Variants in GOLGA5 observed in about 807,000 individuals in gnomAD.
The protein encoded by GOLGA5 is golgin subfamily A member 5.
Under a neutral mutation model 93.5 loss-of-function variants are expected in GOLGA5, and 50 were observed. That is an observed-to-expected ratio of 0.53 (90% CI 0.43 to 0.68). GOLGA5 has a LOEUF of 0.68. Among genes scored for constraint, GOLGA5 ranks in the 30% least tolerant of loss-of-function variants. The probability of loss-of-function intolerance (pLI) is 0.00; values close to 1 mark genes in which losing one functional copy is unlikely to be tolerated. For missense variants in GOLGA5, 760 were observed against 856.4 expected, an observed-to-expected ratio of 0.89 and a Z score of 1.40; for synonymous variants, 312 against 304.5, an observed-to-expected ratio of 1.02 and a Z score of -0.26.
chr14:92,807,366 T>G (rs1885011666), intron 3 of GOLGA5, among the ~76,000 whole-genome samples: 1 of 152,108 alleles, frequency 6.6e-6, no homozygotes, highest in Non-Finnish European at 1.5e-5. Context: ...TTAGAAATAT[T>G]TACATTTAAA....
intron 2 of GOLGA5, among the ~76,000 whole-genome samples, chr14:92,798,510 G>A (rs1171775546): frequency 1.3e-5 from 2 of 152,180 alleles, no homozygotes; most frequent in East Asian, 3.8e-4. Flanking sequence ...TAGAACTCTT[G>A]TTTTCAATTG....
At chr14:92,804,659 T>C (rs1007107776) in intron 2 of GOLGA5, among the ~76,000 whole-genome samples, 14 of 130,012 alleles carry the variant, frequency 1.1e-4, no homozygotes, top group Admixed American at 2.2e-4. Flanking sequence ...TTCTTTCTTT[T>C]TTTTTTTTTT....
chr14:92,797,707 A>G lies in GOLGA5; in HGVS notation c.270A>G (p.Thr90=), dbSNP rs775132831. ...CAAATGTGAAAGTAGGATCTCGGAC[A>G]CCAGTAGAGGCCTCTCATCCTGTTG... is the stretch of plus-strand genomic sequence containing the variant. ...GTANVKVGSR[T]PVEASHPVEN... The change falls in exon 2 of 13, where the codon ACA becomes ACG. Residue 90 remains threonine, a synonymous_variant. Transcript: ENST00000163416. 1.2e-6 allele frequency: 2 copies of G among 1,614,144 alleles called. No homozygotes were observed. The highest frequency in any genetic ancestry group is 1.7e-6 in the Non-Finnish European group (2 of 1,179,978).
At position 92,817,258 on chromosome 14, in the gene GOLGA5, G is replaced by A. The variant is rs1030484937; in HGVS notation, c.1491+837G>A. Among the ~76,000 whole-genome samples, 2 of 152,138 alleles carry A rather than the reference G, an allele frequency of 1.3e-5. 1 individual carries two copies. The highest frequency in any genetic ancestry group is 4.1e-4 in the South Asian group (2 of 4,824). ...GCCCGACCAGGTTTCTAATCCATAA[G>A]TTGACCATAAAGTTATGGTGATAAA... On this transcript the variant is annotated intron_variant, in intron 7 of 12. Transcript: ENST00000163416.
intron 7 of GOLGA5, among the ~76,000 whole-genome samples, chr14:92,817,680 A>T (rs1463498338): frequency 6.6e-6 from 1 of 152,202 alleles, no homozygotes; most frequent in African/African-American, 2.4e-5. Flanking sequence ...ATGTTCATCC[A>T]TGCATTAACT....
chr14:92,811,941 T>TA (rs5810613), intron 6 of GOLGA5, among the ~76,000 whole-genome samples, 187 bp downstream of exon 6: 2 of 151,454 alleles, frequency 1.3e-5, no homozygotes, highest in South Asian at 2.1e-4. Context: ...CCACTTCTTT[T>TA]AAAAAAAAAA....
chr14:92,810,135 A>G (rs1281357590), intron 4 of GOLGA5, 119 bp from the exon 5 acceptor site: 1 of 669,388 alleles, frequency 1.5e-6, no homozygotes, highest in Admixed American at 3.2e-5. Context: ...TTATCTAAGA[A>G]TATTTCAGTC....
chr14:92,816,345 G>T lies in GOLGA5; in HGVS notation c.1415G>T (p.Arg472Leu). 2.5e-6 allele frequency: 4 copies of T among 1,613,862 alleles called. No homozygotes were observed. Among genetic ancestry groups the T allele is most frequent in the East Asian group, 2.2e-5 (1 of 44,876 alleles). The change falls in exon 7 of 13, where the codon CGG (arginine) becomes CTG (leucine). Residue 472 changes from arginine (R) to leucine (L), a missense_variant. Coordinates refer to ENST00000163416, the MANE Select transcript of GOLGA5 (RefSeq NM_005113.4). Reference protein sequence around the residue: ...TASSMELEELRHEKEMQREEI... With the variant: ...TASSMELEELLHEKEMQREEI... ...AGTAGCATGGAGCTGGAAGAACTTC[G>T]GCATGAGAAAGAGATGCAGAGGGAG...
intron 2 of GOLGA5, among the ~76,000 whole-genome samples, chr14:92,802,714 T>C (rs1286238835): frequency 6.6e-6 from 1 of 151,256 alleles, no homozygotes; most frequent in East Asian, 1.9e-4. Context: ...AATATTAATA[T>C]AGTATACAAA....
At chr14:92,827,679 G>GGCAA (rs1487517336) in intron 9 of GOLGA5, among the ~76,000 whole-genome samples, 2 of 152,318 alleles carry the variant, frequency 1.3e-5, no homozygotes, top group East Asian at 3.9e-4. Context: ...CATGTCAAAA[G>GGCAA]GCAAGATAGG....
intron 11 of GOLGA5, 36 bp downstream of exon 11, chr14:92,835,700 C>G (rs781613008): frequency 1.6e-6 from 2 of 1,279,140 alleles, no homozygotes; most frequent in Non-Finnish European, 2.3e-6. Flanking sequence ...GATGGACCAT[C>G]AGCTGTTTTT....
At position 92,806,843 on chromosome 14, in the gene GOLGA5, G is replaced by A; in HGVS notation, c.652G>A (p.Asp218Asn). ...TGACCACACCCCAACACCTAATGAT[G>A]ATGGCAAATCACATGAACTGTCTAA... Reference protein sequence around the residue: ...CPDHTPTPNDDGKSHELSNLR... With the variant: ...CPDHTPTPNDNGKSHELSNLR... The change falls in exon 3 of 13, where the codon GAT (aspartate) becomes AAT (asparagine). Residue 218 changes from aspartate to asparagine, a missense_variant. Asp to Asn is a conservative substitution (Grantham distance 23). Coordinates refer to ENST00000163416, the MANE Select transcript of GOLGA5 (RefSeq NM_005113.4). The A allele has an allele frequency of 6.2e-7, 1 of 1,613,536 alleles. No individual in the cohort carries two copies. The highest frequency in any genetic ancestry group is 8.5e-7 in the Non-Finnish European group (1 of 1,179,494).
chr14:92,831,202 T>G lies in GOLGA5; in HGVS notation c.1720-1920T>G, dbSNP rs79188532. 2.6e-3 allele frequency among the ~76,000 whole-genome samples: 398 copies of G among 152,296 alleles called. 2 individuals are homozygous for G. The highest frequency in any genetic ancestry group is 9.1e-3 in the African/African-American group (377 of 41,560). ...CAGCAGCACAACCACTTTGGAAAACTGGCTGTTTCTGATAAGGCTAACGTA... is the reference window on the plus strand; with the variant it reads ...CAGCAGCACAACCACTTTGGAAAACGGGCTGTTTCTGATAAGGCTAACGTA... On this transcript the variant is annotated intron_variant, in intron 9 of 12. Coordinates refer to ENST00000163416, the MANE Select transcript of GOLGA5 (RefSeq NM_005113.4).
chr14:92,805,043 A>G (rs952762106), intron 2 of GOLGA5, among the ~76,000 whole-genome samples: 1 of 152,190 alleles, frequency 6.6e-6, no homozygotes, highest in Non-Finnish European at 1.5e-5. Context: ...TAAAATGTAC[A>G]TATATTAAGA....
chr14:92,816,052 T>C (rs1269370365), intron 6 of GOLGA5, among the ~76,000 whole-genome samples, 199 bp from the exon 7 acceptor site: 2 of 152,164 alleles, frequency 1.3e-5, no homozygotes, highest in Non-Finnish European at 2.9e-5. Context: ...TTACCATGAT[T>C]GTGGGGCTAA....
At chr14:92,798,781 T>C (rs1332759101) in intron 2 of GOLGA5, among the ~76,000 whole-genome samples, 2 of 152,148 alleles carry the variant, frequency 1.3e-5, no homozygotes, top group Non-Finnish European at 2.9e-5. Flanking sequence ...CCAGGCACAG[T>C]GGTGCATGCC....
At position 92,839,489 on chromosome 14, in the gene GOLGA5, C is replaced by CT. The variant is rs777681735; in HGVS notation, c.*45dup. The CT allele has an allele frequency of 1.8e-5, 24 of 1,356,662 alleles. No individual in the cohort carries two copies. Among genetic ancestry groups the CT allele is most frequent in the Non-Finnish European group, 2.3e-5 (22 of 954,522 alleles). 84.0% of individuals were successfully genotyped at this position (1,356,662 alleles called of 1,614,324 possible). A position where few individuals can be genotyped will look rare whatever the true frequency, so the allele number is the denominator to read the frequency against. The stretch of plus-strand genomic sequence containing the variant: ...CAGTGATTGGTTGTCTTTTTCTAGA[C>CT]TTGGGATCTGCAAGAAGGCCAATTG... On this transcript the variant is annotated 3_prime_UTR_variant, in exon 13 of 13. Transcript: ENST00000163416.
At position 92,797,546 on chromosome 14, in the gene GOLGA5, A is replaced by T. The variant is rs531917271; in HGVS notation, c.109A>T (p.Ser37Cys). 2 of 1,613,468 alleles carry T rather than the reference A, an allele frequency of 1.2e-6. No individual in the cohort carries two copies. The highest frequency in any genetic ancestry group is 1.7e-6 in the Non-Finnish European group (2 of 1,179,356). Residue 37 changes from serine to cysteine, a missense_variant, in exon 2 of 13, where the codon AGC (serine) becomes TGC (cysteine). Coordinates refer to ENST00000163416, the MANE Select transcript of GOLGA5 (RefSeq NM_005113.4). ...SRKDNASNIYSKNTDYTELHQ... is the reference protein window; with the variant it reads ...SRKDNASNIYCKNTDYTELHQ... The stretch of plus-strand genomic sequence containing the variant: ...GAAAGACAATGCCAGCAACATATAT[A>T]GCAAAAATACTGACTATACTGAACT...
rs1885719649 is a variant in GOLGA5, at chr14:92,839,745, G to A, written c.*299G>A. 3.1e-6 allele frequency: 1 copy of A among 324,888 alleles called. No homozygotes were observed. The highest frequency in any genetic ancestry group is 5.6e-6 in the Non-Finnish European group (1 of 178,760). 20.1% of individuals were successfully genotyped at this position (324,888 alleles called of 1,614,324 possible). ...TTGTTCACCTCTGTACAGACCATCT[G>A]TATGTTAGGTGACATTGATTATGGG... On this transcript the variant is annotated 3_prime_UTR_variant, in exon 13 of 13. Coordinates refer to ENST00000163416, the MANE Select transcript of GOLGA5 (RefSeq NM_005113.4).
Sources: gnomAD v4.1 joint callset for allele counts (sites outside exome capture counted in the v4.1 genomes callset) on GRCh38, gnomAD v4.1.1 for gene constraint, MANE v1.5 for transcripts, NCBI Gene and HGNC (gene_info 2026-07-23, HGNC 2026-07-21) for gene names.